The following MATCAP2 variants were observed in gnomAD, a reference collection of about 807,000 sequenced individuals.
The protein encoded by MATCAP2 is microtubule associated tyrosine carboxypeptidase 2, also known as putative tyrosine carboxypeptidase MATCAP2.
the MATCAP2 span, among the ~76,000 whole-genome samples, chr7:36,333,243 TGAAA>T: frequency 1.3e-5 from 2 of 152,138 alleles, no homozygotes; most frequent in Admixed American, 1.3e-4. Flanking sequence ...ACATGCTAAC[TGAAA>T]GAAGCCCACC....
chr7:36,374,484 G>A, the MATCAP2 span, among the ~76,000 whole-genome samples: 388 of 152,112 alleles, frequency 2.6e-3, 2 homozygotes, highest in Non-Finnish European at 3.5e-3. Context: ...ACGTTTTTAC[G>A]TTCTAAGAAC....
the MATCAP2 span, chr7:36,331,229 A>T: frequency 1.8e-6 from 1 of 568,710 alleles, no homozygotes; most frequent in Admixed American, 2.8e-5. Flanking sequence ...AACTATCTTC[A>T]TTACATAAAA....
the MATCAP2 span, among the ~76,000 whole-genome samples, chr7:36,361,211 CCT>C: frequency 6.6e-6 from 1 of 152,160 alleles, no homozygotes; most frequent in Non-Finnish European, 1.5e-5. Context: ...CTTTCAATGA[CCT>C]CTCTGTAATA....
At chr7:36,356,939 G>C in the MATCAP2 span, 2 of 1,614,224 alleles carry the variant, frequency 1.2e-6, no homozygotes, top group South Asian at 2.2e-5. Flanking sequence ...GCTATGCTTA[G>C]CTAATACGCT....
chr7:36,389,823 C>T, the MATCAP2 span: 4 of 971,074 alleles, frequency 4.1e-6, no homozygotes, highest in Non-Finnish European at 6.0e-6. Context: ...ATGCTCGCGG[C>T]TCGGCGCTGA....
chr7:36,332,046 T>C, the MATCAP2 span, among the ~76,000 whole-genome samples: 1 of 152,176 alleles, frequency 6.6e-6, no homozygotes, highest in Non-Finnish European at 1.5e-5. Flanking sequence ...ATAGCTATGA[T>C]CAGGTAATAT....
At chr7:36,347,353 A>G in the MATCAP2 span, among the ~76,000 whole-genome samples, 1 of 152,194 alleles carries the variant, frequency 6.6e-6, no homozygotes, top group Non-Finnish European at 1.5e-5. Flanking sequence ...CTGACCATCA[A>G]TCATGTGCTA....
chr7:36,341,298 A>G, the MATCAP2 span, among the ~76,000 whole-genome samples: 1 of 144,850 alleles, frequency 6.9e-6, no homozygotes, highest in Non-Finnish European at 1.5e-5. Flanking sequence ...ACATCTCCCA[A>G]TATAATATAT....
the MATCAP2 span, among the ~76,000 whole-genome samples, chr7:36,383,322 C>A: frequency 0.12 from 18,408 of 152,052 alleles, 1,158 homozygotes; most frequent in East Asian, 0.18. Flanking sequence ...GGTATATATC[C>A]AAAGGATTAT....
the MATCAP2 span, among the ~76,000 whole-genome samples, chr7:36,381,974 T>G: frequency 6.6e-6 from 1 of 152,106 alleles, no homozygotes; most frequent in South Asian, 2.1e-4. Context: ...GCAATAAATC[T>G]GTTACATTCT....
At chr7:36,366,954 C>T in the MATCAP2 span, 3 of 1,355,346 alleles carry the variant, frequency 2.2e-6, no homozygotes, top group Non-Finnish European at 1.9e-6. Context: ...CGCCCCGAGG[C>T]CCGGGGCGGC....
At chr7:36,390,041 G>A in the MATCAP2 span, 21 of 1,613,840 alleles carry the variant, frequency 1.3e-5, no homozygotes, top group Admixed American at 3.3e-4. Flanking sequence ...ATCCGTTTAC[G>A]GAGGTGAGTG....
At chr7:36,374,261 G>A in the MATCAP2 span, among the ~76,000 whole-genome samples, 1 of 121,444 alleles carries the variant, frequency 8.2e-6, no homozygotes, top group Non-Finnish European at 1.8e-5. Flanking sequence ...TTTTTTTTTT[G>A]TAGAGACAAG....
chr7:36,389,971 C>T, the MATCAP2 span: 1 of 1,614,082 alleles, frequency 6.2e-7, no homozygotes, highest in Non-Finnish European at 8.5e-7. Context: ...ACTCACTTTT[C>T]TCTTCCTGAA....
chr7:36,343,644 A>G, the MATCAP2 span, among the ~76,000 whole-genome samples: 4 of 102,192 alleles, frequency 3.9e-5, no homozygotes, highest in Admixed American at 1.9e-4. Context: ...GAAAAAGAAA[A>G]AGAAAAGAGA....
the MATCAP2 span, among the ~76,000 whole-genome samples, chr7:36,373,758 A>T: frequency 0.12 from 18,526 of 151,906 alleles, 1,174 homozygotes; most frequent in East Asian, 0.19. Context: ...TTTCAATATT[A>T]TTCCAAGTGC....
the MATCAP2 span, among the ~76,000 whole-genome samples, chr7:36,372,626 A>C: frequency 6.6e-6 from 1 of 152,224 alleles, no homozygotes; most frequent in Non-Finnish European, 1.5e-5. Flanking sequence ...TGATTAAGGG[A>C]GGAAGGATGT....
chr7:36,327,671 A>C, the MATCAP2 span, among the ~76,000 whole-genome samples: 1 of 152,228 alleles, frequency 6.6e-6, no homozygotes, highest in Non-Finnish European at 1.5e-5. Context: ...CAAATCCAAA[A>C]ATGCAAAATC....
the MATCAP2 span, among the ~76,000 whole-genome samples, chr7:36,344,013 G>A: frequency 1.3e-5 from 2 of 151,966 alleles, no homozygotes; most frequent in Admixed American, 1.3e-4. Context: ...CCTAAAATGA[G>A]TAAATTTTAT....
Sources: allele counts gnomAD v4.1 joint callset (sites outside exome capture counted in the v4.1 genomes callset), GRCh38; gene constraint gnomAD v4.1.1; transcripts MANE v1.5; gene names NCBI Gene and HGNC (gene_info 2026-07-23, HGNC 2026-07-21).